The following AKT3 variants were observed in gnomAD, a reference collection of about 807,000 sequenced individuals.
AKT3 encodes the protein AKT serine/threonine kinase 3.
AKT3 carries 15 observed loss-of-function variants against 65.3 expected under a neutral mutation model. That is an observed-to-expected ratio of 0.23 (90% CI 0.15 to 0.35). AKT3 has a LOEUF of 0.35. Ranked by LOEUF, AKT3 falls within the 10% of genes least tolerant of loss-of-function variation. The pLI is 1.00. For synonymous variants in AKT3, 206 were observed against 183.8 expected (o/e 1.12, Z -0.98); for missense variants, 243 against 576.5 (o/e 0.42, Z 5.92).
intron 2 of AKT3, among the ~76,000 whole-genome samples, chr1:243,810,608 C>T (rs1321272030): frequency 2.0e-5 from 3 of 152,204 alleles, no homozygotes; most frequent in African/African-American, 4.8e-5. Flanking sequence ...CAAGGAAGAG[C>T]TGGCACCATT....
chr1:243,630,162 T>C (rs1370226903), intron 6 of AKT3, among the ~76,000 whole-genome samples: 3 of 152,238 alleles, frequency 2.0e-5, no homozygotes, highest in Non-Finnish European at 2.9e-5. Context: ...CCCCACCAAG[T>C]TACATGTCTT....
intron 2 of AKT3, among the ~76,000 whole-genome samples, chr1:243,804,500 T>A (rs892653226): frequency 2.0e-5 from 3 of 152,232 alleles, no homozygotes; most frequent in South Asian, 4.1e-4. Flanking sequence ...CACATAGTTA[T>A]CATTTTTGTG....
intron 2 of AKT3, among the ~76,000 whole-genome samples, chr1:243,798,028 G>A (rs1342185057): frequency 6.7e-6 from 1 of 148,554 alleles, no homozygotes; most frequent in Non-Finnish European, 1.5e-5. Flanking sequence ...GACTACAGGC[G>A]CCCACCACCA....
intron 2 of AKT3, among the ~76,000 whole-genome samples, chr1:243,807,040 G>C (rs1290346664): frequency 6.6e-6 from 1 of 152,138 alleles, no homozygotes; most frequent in East Asian, 1.9e-4. Flanking sequence ...TTATAAATGA[G>C]AAAAATAGGG....
chr1:243,497,902 G>A (rs531049927), downstream of AKT3, among the ~76,000 whole-genome samples: 2 of 152,168 alleles, frequency 1.3e-5, no homozygotes, highest in African/African-American at 4.8e-5. Context: ...GGCTGGTCTC[G>A]AACTCCTGGA....
chr1:243,598,645 C>T (rs1676799577), intron 8 of AKT3, among the ~76,000 whole-genome samples: 1 of 152,170 alleles, frequency 6.6e-6, no homozygotes. Context: ...GCCCTAAAGT[C>T]TCATGCTCAA....
intron 8 of AKT3, among the ~76,000 whole-genome samples, chr1:243,596,432 T>C (rs1026765356): frequency 2.0e-5 from 3 of 152,122 alleles, no homozygotes; most frequent in Admixed American, 6.5e-5. Flanking sequence ...GGTGAAATAT[T>C]TGAATAGACA....
At chr1:243,808,986 G>A (rs1409542004) in intron 2 of AKT3, among the ~76,000 whole-genome samples, 2 of 152,178 alleles carry the variant, frequency 1.3e-5, no homozygotes, top group Non-Finnish European at 2.9e-5. Context: ...AATGCTGAGA[G>A]ATTTTGTCAC....
intron 13 of AKT3, among the ~76,000 whole-genome samples, chr1:243,491,857 T>G (rs1430979736): frequency 1.6e-4 from 25 of 152,288 alleles, no homozygotes; most frequent in Admixed American, 1.5e-3. Flanking sequence ...TTAGAGATGG[T>G]TTAACTAAAG....
At chr1:243,591,376 A>C (rs927284448) in intron 8 of AKT3, among the ~76,000 whole-genome samples, 6 of 152,266 alleles carry the variant, frequency 3.9e-5, no homozygotes, top group Non-Finnish European at 8.8e-5. Flanking sequence ...AGGATATTCC[A>C]GACCAGTCTT....
intron 2 of AKT3, among the ~76,000 whole-genome samples, chr1:243,798,561 T>C (rs187061968): frequency 6.6e-6 from 1 of 152,148 alleles, no homozygotes; most frequent in East Asian, 1.9e-4. Flanking sequence ...TTCTTGATAT[T>C]ATCTAATTTC....
intron 2 of AKT3, among the ~76,000 whole-genome samples, chr1:243,816,802 G>A (rs559044560): frequency 6.6e-6 from 1 of 152,268 alleles, no homozygotes; most frequent in South Asian, 2.1e-4. Flanking sequence ...GGCAGATAAG[G>A]AGGATAGGCT....
At chr1:243,603,504 G>C (rs1677166816) in intron 8 of AKT3, among the ~76,000 whole-genome samples, 1 of 152,132 alleles carries the variant, frequency 6.6e-6, no homozygotes. Flanking sequence ...TGCATCTACA[G>C]CTGTGTCTAC....
At chr1:243,831,401 G>A (rs912264586) in intron 2 of AKT3, among the ~76,000 whole-genome samples, 9 of 152,138 alleles carry the variant, frequency 5.9e-5, no homozygotes, top group Non-Finnish European at 1.3e-4. Context: ...GTAAGACCAT[G>A]ATCTGGGTAA....
intron 12 of AKT3, among the ~76,000 whole-genome samples, chr1:243,530,008 C>A (rs1448899928): frequency 6.6e-6 from 1 of 152,052 alleles, no homozygotes; most frequent in Non-Finnish European, 1.5e-5. Flanking sequence ...TTGTAAAGAT[C>A]TTTCACTTCC....
intron 4 of AKT3, among the ~76,000 whole-genome samples, chr1:243,654,255 C>A (rs561164408): frequency 6.6e-6 from 1 of 152,204 alleles, no homozygotes; most frequent in Admixed American, 6.5e-5. Flanking sequence ...AAATTAACTC[C>A]ATTTTTGTCA....
chr1:243,842,044 C>G (rs546659891), intron 2 of AKT3, among the ~76,000 whole-genome samples: 4 of 152,064 alleles, frequency 2.6e-5, no homozygotes, highest in Admixed American at 1.3e-4. Flanking sequence ...AGGAACCTCT[C>G]GGGTTAATGA....
rs184555709 is a variant in AKT3, at chr1:243,842,819, A to C, written c.46+306T>G. ...ACATATATTAAATGATTCTAAAGAT[A>C]TCTCTCCAGATTACAGAACCTGTAG... On this transcript the variant is annotated intron_variant, in intron 2 of 13. Transcript: ENST00000673466. 5.9e-5 allele frequency among the ~76,000 whole-genome samples: 9 copies of C among 152,354 alleles called. No individual in the cohort carries two copies. In the South Asian group the frequency reaches 1.4e-3, roughly 25 times the overall value.
chr1:243,790,576 T>G (rs1257439482), intron 2 of AKT3, among the ~76,000 whole-genome samples: 8 of 152,238 alleles, frequency 5.3e-5, no homozygotes, highest in Non-Finnish European at 1.2e-4. Flanking sequence ...CGCTTTCTTA[T>G]CATTCATGGG....
Sources: gnomAD v4.1 joint callset for allele counts (sites outside exome capture counted in the v4.1 genomes callset) on GRCh38, gnomAD v4.1.1 for gene constraint, MANE v1.5 for transcripts, NCBI Gene and HGNC (gene_info 2026-07-23, HGNC 2026-07-21) for gene names.